Variants in ARHGEF28 observed in about 807,000 individuals in gnomAD.
The protein encoded by ARHGEF28 is 190 kDa guanine nucleotide exchange factor.
ARHGEF28 carries 152 observed loss-of-function variants against 206.6 expected under a neutral mutation model. The observed-to-expected ratio is 0.74, with a 90% confidence interval of 0.64 to 0.84. The LOEUF (loss-of-function observed/expected upper bound fraction) is 0.84, where lower values mean the gene tolerates loss of function less well. Among genes scored for constraint, ARHGEF28 ranks in the 40% least tolerant of loss-of-function variants. The pLI is 0.00. For missense variants in ARHGEF28, 2,028 were observed against 2,073.2 expected (o/e 0.98, Z 0.42); for synonymous variants, 763 against 776.4 (o/e 0.98, Z 0.29).
At chr5:73,747,334 G>A (rs1751773447) in intron 2 of ARHGEF28, among the ~76,000 whole-genome samples, 1 of 152,140 alleles carries the variant, frequency 6.6e-6, no homozygotes, top group African/African-American at 2.4e-5. Context: ...TTTTAGAAAA[G>A]TAGCAGATTT....
rs1037242305 is a variant in ARHGEF28 at position 73,832,536 on chromosome 5, T to G, written c.1146+77T>G. ...GGTTTGTAAGAAATAGATTCAGCAT[T>G]GTTGTGTTCCTTTGACAATTTTAGC... On this transcript the variant is annotated intron_variant, in intron 10 of 35. Transcript: ENST00000513042. 8 of 1,531,114 alleles carry G rather than the reference T, an allele frequency of 5.2e-6. No homozygotes were observed. In the Admixed American group the frequency reaches 7.8e-5, roughly 15 times the overall value. 94.8% of individuals were successfully genotyped at this position (1,531,114 alleles called of 1,614,324 possible).
At chr5:73,912,182 T>C (rs1007459797) in intron 35 of ARHGEF28, among the ~76,000 whole-genome samples, 7 of 152,170 alleles carry the variant, frequency 4.6e-5, no homozygotes, top group African/African-American at 1.7e-4. Context: ...TGTTACCAGC[T>C]CCACATGAAT....
chr5:73,809,902 AT>A lies in ARHGEF28; in HGVS notation c.1024+14513del, dbSNP rs1170555631. Among the ~76,000 whole-genome samples, 7 of 152,354 alleles carry A rather than the reference AT, an allele frequency of 4.6e-5. No homozygotes were observed. In the East Asian group the frequency reaches 1.3e-3, roughly 29 times the overall value. The stretch of plus-strand genomic sequence containing the variant: ...GGTGGCCTGGGGGATATATCATTGA[AT>A]TCTGCTGTCTGCAATTACAATCAGC... On this transcript the variant is annotated intron_variant, in intron 9 of 35. Coordinates refer to ENST00000513042, the MANE Select transcript of ARHGEF28 (RefSeq NM_001177693.2).
intron 33 of ARHGEF28, among the ~76,000 whole-genome samples, chr5:73,906,773 T>TA (rs1044783596): frequency 6.6e-6 from 1 of 152,218 alleles, no homozygotes; most frequent in African/African-American, 2.4e-5. Flanking sequence ...TCTTTGCTGC[T>TA]ATTGTGAATA....
intron 1 of ARHGEF28, among the ~76,000 whole-genome samples, chr5:73,649,565 A>C (rs1179198365): frequency 2.6e-5 from 4 of 152,242 alleles, no homozygotes; most frequent in Non-Finnish European, 4.4e-5. Context: ...TTACTTGCCC[A>C]GGGGCATGCT....
intron 14 of ARHGEF28, among the ~76,000 whole-genome samples, chr5:73,853,821 T>C (rs1030139679): frequency 6.6e-6 from 1 of 152,252 alleles, no homozygotes. Context: ...AACAGTCATC[T>C]TTTTAACAAC....
At chr5:73,812,439 AC>A (rs1755898652) in intron 9 of ARHGEF28, among the ~76,000 whole-genome samples, 1 of 152,212 alleles carries the variant, frequency 6.6e-6, no homozygotes, top group Admixed American at 6.5e-5. Flanking sequence ...ACAAAACAAA[AC>A]AAACATTTCT....
intron 5 of ARHGEF28, 68 bp downstream of exon 5, chr5:73,774,106 G>C: frequency 7.1e-7 from 1 of 1,407,178 alleles, no homozygotes; most frequent in Non-Finnish European, 9.5e-7. Flanking sequence ...TAGAAAAATG[G>C]AAATAACCAA....
intron 3 of ARHGEF28, among the ~76,000 whole-genome samples, chr5:73,752,620 G>A (rs967713468): frequency 1.3e-5 from 2 of 152,164 alleles, no homozygotes; most frequent in Non-Finnish European, 2.9e-5. Context: ...AAAGGTTAAA[G>A]GAATGCTGAA....
intron 1 of ARHGEF28, among the ~76,000 whole-genome samples, chr5:73,652,837 T>G (rs1042191492): frequency 2.6e-5 from 4 of 152,140 alleles, no homozygotes; most frequent in East Asian, 1.9e-4. Context: ...GAGTGACCTC[T>G]CAGTATCACA....
At chr5:73,690,052 T>C (rs1211504315) in intron 2 of ARHGEF28, among the ~76,000 whole-genome samples, 3 of 111,346 alleles carry the variant, frequency 2.7e-5, no homozygotes, top group Non-Finnish European at 3.6e-5. Context: ...ATTTTGGTTT[T>C]ATTTTTAAAT....
intron 9 of ARHGEF28, among the ~76,000 whole-genome samples, chr5:73,808,503 T>C (rs769372830): frequency 4.6e-5 from 7 of 152,146 alleles, no homozygotes; most frequent in Non-Finnish European, 8.8e-5. Context: ...CATAGTTAGA[T>C]CCACAGAAGG....
At chr5:73,639,394 A>G (rs1743931999) in intron 1 of ARHGEF28, among the ~76,000 whole-genome samples, 1 of 151,832 alleles carries the variant, frequency 6.6e-6, no homozygotes. Context: ...GCTGTTGAGA[A>G]CATTCATATG....
chr5:73,632,010 TG>T (rs1489669300), intron 1 of ARHGEF28, among the ~76,000 whole-genome samples: 15 of 152,238 alleles, frequency 9.9e-5, no homozygotes, highest in African/African-American at 3.6e-4. Flanking sequence ...ACATCGTGAC[TG>T]TAGCCCATTA....
chr5:73,744,543 T>TA (rs973523790), intron 2 of ARHGEF28, among the ~76,000 whole-genome samples: 1 of 73,362 alleles, frequency 1.4e-5, no homozygotes, highest in African/African-American at 6.1e-5. Context: ...TCTGTATAGA[T>TA]TTTTTTTTCT....
Position 73,869,963 on chromosome 5 carries a change from T to C in ARHGEF28, c.2426-106T>C, listed in dbSNP as rs1759988867. On this transcript the variant is annotated intron_variant, in intron 20 of 35. Transcript: ENST00000513042. ...ATGTTTTGGTTTAGTAGTTTCCATG[T>C]TCATAGCAGATTTATTTAGGGTGAG... 42 of 1,357,358 alleles carry C rather than the reference T, an allele frequency of 3.1e-5. 1 individual carries two copies. The South Asian group carries it at 5.9e-4, about 19-fold the overall frequency. 84.1% of individuals were successfully genotyped at this position (1,357,358 alleles called of 1,614,324 possible). A position where few individuals can be genotyped will look rare whatever the true frequency, so the allele number is the denominator to read the frequency against.
chr5:73,755,948 T>A (rs1407136441), intron 4 of ARHGEF28, among the ~76,000 whole-genome samples: 1 of 152,238 alleles, frequency 6.6e-6, no homozygotes, highest in Non-Finnish European at 1.5e-5. Flanking sequence ...TGTATTTTCA[T>A]GAGAGAAAAA....
chr5:73,726,719 T>C (rs1750296555), intron 2 of ARHGEF28, among the ~76,000 whole-genome samples: 1 of 152,204 alleles, frequency 6.6e-6, no homozygotes, highest in Non-Finnish European at 1.5e-5. Context: ...ATGTTTTATT[T>C]AATTTGTACT....
At chr5:73,737,208 CCCT>C (rs1371635051) in intron 2 of ARHGEF28, among the ~76,000 whole-genome samples, 10 of 152,096 alleles carry the variant, frequency 6.6e-5, no homozygotes, top group African/African-American at 2.4e-4. Context: ...CCTCCCTCTC[CCCT>C]CCTCCTTTTT....
Sources: gnomAD v4.1 joint callset for allele counts (sites outside exome capture counted in the v4.1 genomes callset) on GRCh38, gnomAD v4.1.1 for gene constraint, MANE v1.5 for transcripts, NCBI Gene and HGNC (gene_info 2026-07-23, HGNC 2026-07-21) for gene names.